PRKG1: variants seen among roughly 807,000 people sequenced by gnomAD.
PRKG1 encodes protein kinase cGMP-dependent 1.
Under a neutral mutation model 88.1 loss-of-function variants are expected in PRKG1, and 35 were observed. That is an observed-to-expected ratio of 0.40 (90% CI 0.30 to 0.53). The LOEUF (loss-of-function observed/expected upper bound fraction) is 0.53, where lower values mean the gene tolerates loss of function less well. Among genes scored for constraint, PRKG1 ranks in the 20% least tolerant of loss-of-function variants. PRKG1 has a pLI of 0.59. For synonymous variants in PRKG1, 303 were observed against 292.5 expected, an observed-to-expected ratio of 1.04 and a Z score of -0.37; for missense variants, 540 against 839.8, an observed-to-expected ratio of 0.64 and a Z score of 4.41.
At chr10:52,120,645 G>C (rs1847799068) in intron 7 of PRKG1, among the ~76,000 whole-genome samples, 2 of 152,338 alleles carry the variant, frequency 1.3e-5, no homozygotes, top group Non-Finnish European at 2.9e-5. Context: ...TAAATCTTCA[G>C]AACAATCTTC....
At chr10:51,012,027 C>T (rs1445430069) in intron 1 of PRKG1, among the ~76,000 whole-genome samples, 1 of 152,206 alleles carries the variant, frequency 6.6e-6, no homozygotes, top group Non-Finnish European at 1.5e-5. Flanking sequence ...GACTTATTCA[C>T]TATCACAAGA....
At chr10:51,145,643 T>C (rs10508936) in intron 1 of PRKG1, among the ~76,000 whole-genome samples, 12,966 of 152,196 alleles carry the variant, frequency 0.085, 609 homozygotes, top group Admixed American at 0.12. Context: ...GCTGAATGAC[T>C]TGAATAGTTG....
intron 4 of PRKG1, among the ~76,000 whole-genome samples, chr10:51,887,809 T>C (rs1475762164): frequency 2.0e-5 from 3 of 152,316 alleles, no homozygotes; most frequent in Non-Finnish European, 1.5e-5. Context: ...TGCTATTGAG[T>C]TGTAGGAGAC....
intron 1 of PRKG1, among the ~76,000 whole-genome samples, chr10:51,116,581 A>T (rs1344588903): frequency 1.3e-5 from 2 of 152,208 alleles, no homozygotes; most frequent in Admixed American, 1.3e-4. Context: ...AAGTTGAGGA[A>T]GTGAACAGTA....
At chr10:51,721,258 T>C (rs955957754) in intron 3 of PRKG1, among the ~76,000 whole-genome samples, 1 of 151,166 alleles carries the variant, frequency 6.6e-6, no homozygotes, top group Non-Finnish European at 1.5e-5. Flanking sequence ...ACACTTAACA[T>C]TGGCAAACAT....
chr10:52,133,528 T>A (rs533052616), intron 7 of PRKG1, among the ~76,000 whole-genome samples: 2 of 152,304 alleles, frequency 1.3e-5, no homozygotes, highest in South Asian at 4.1e-4. Flanking sequence ...TTTGTTACTA[T>A]CTTGATCATT....
chr10:52,065,529 C>A (rs972976823), intron 7 of PRKG1, among the ~76,000 whole-genome samples: 1 of 152,098 alleles, frequency 6.6e-6, no homozygotes. Flanking sequence ...TATTTCACAG[C>A]TTAATAAGTG....
At chr10:51,184,778 TC>T (rs1258349577) in intron 2 of PRKG1, among the ~76,000 whole-genome samples, 2 of 152,186 alleles carry the variant, frequency 1.3e-5, no homozygotes, top group Non-Finnish European at 2.9e-5. Flanking sequence ...GTGCAACTCT[TC>T]GACCCATCTT....
intron 4 of PRKG1, among the ~76,000 whole-genome samples, chr10:51,821,861 A>G (rs1564661045): frequency 6.6e-6 from 1 of 152,130 alleles, no homozygotes; most frequent in Non-Finnish European, 1.5e-5. Context: ...ATGGGAATGT[A>G]AATTGTTACA....
chr10:51,432,158 CTT>C (rs1712182132), intron 2 of PRKG1, among the ~76,000 whole-genome samples: 1 of 152,082 alleles, frequency 6.6e-6, no homozygotes, highest in Admixed American at 6.6e-5. Flanking sequence ...AACCTCAAAT[CTT>C]TATCATTAGT....
intron 2 of PRKG1, chr10:51,306,694 C>G (rs1564439528): frequency 6.6e-6 from 1 of 152,140 alleles, no homozygotes; most frequent in Non-Finnish European, 1.5e-5. Flanking sequence ...TCGTTCTTCT[C>G]TGAGGAGGCA....
intron 2 of PRKG1, among the ~76,000 whole-genome samples, chr10:51,422,988 T>C (rs1838461085): frequency 1.3e-5 from 2 of 151,798 alleles, no homozygotes; most frequent in South Asian, 4.2e-4. Flanking sequence ...GAAAATGGAT[T>C]ATAGAAGCTA....
intron 4 of PRKG1, among the ~76,000 whole-genome samples, chr10:51,873,472 A>T (rs1483141151): frequency 6.6e-6 from 1 of 151,846 alleles, no homozygotes; most frequent in East Asian, 1.9e-4. Context: ...CTATCTAATC[A>T]TCTATGTCTC....
At chr10:51,732,494 G>T (rs1837139294) in intron 3 of PRKG1, among the ~76,000 whole-genome samples, 1 of 152,090 alleles carries the variant, frequency 6.6e-6, no homozygotes, top group Admixed American at 6.5e-5. Flanking sequence ...ACAGAAACAT[G>T]GTCAGAGAGG....
At chr10:52,123,417 G>A (rs1010702523) in intron 7 of PRKG1, among the ~76,000 whole-genome samples, 2 of 152,032 alleles carry the variant, frequency 1.3e-5, no homozygotes, top group Non-Finnish European at 2.9e-5. Context: ...GTCATGTTAC[G>A]AGTCCATATT....
At chr10:52,247,637 T>C (rs1841059661) in intron 9 of PRKG1, among the ~76,000 whole-genome samples, 1 of 152,148 alleles carries the variant, frequency 6.6e-6, no homozygotes, top group East Asian at 1.9e-4. Context: ...AAGAAACAGT[T>C]AAATATCCGA....
chr10:51,109,422 C>T (rs1194066357), intron 1 of PRKG1, among the ~76,000 whole-genome samples: 2 of 151,824 alleles, frequency 1.3e-5, no homozygotes, highest in African/African-American at 2.4e-5. Context: ...CCGACAACTG[C>T]CCCCCCAACA....
chr10:51,572,089 ATAAAAT>A (rs1236088674), intron 3 of PRKG1, among the ~76,000 whole-genome samples: 7 of 151,944 alleles, frequency 4.6e-5, no homozygotes, highest in Non-Finnish European at 7.4e-5. Flanking sequence ...ATTTGAACAC[ATAAAAT>A]TAAAATTTTT....
chr10:52,243,921 C>G (rs1023305146), intron 9 of PRKG1, among the ~76,000 whole-genome samples: 1 of 152,088 alleles, frequency 6.6e-6, no homozygotes, highest in African/African-American at 2.4e-5. Flanking sequence ...TATTTCATGA[C>G]TAGAGTGCTC....
Sources: gnomAD v4.1 joint callset for allele counts (sites outside exome capture counted in the v4.1 genomes callset) on GRCh38, gnomAD v4.1.1 for gene constraint, MANE v1.5 for transcripts, NCBI Gene and HGNC (gene_info 2026-07-23, HGNC 2026-07-21) for gene names.